Variants in OCM2 observed in about 807,000 individuals in gnomAD.
The protein encoded by OCM2 is oncomodulin 2.
OCM2 carries 6 observed loss-of-function variants against 13.6 expected under a neutral mutation model. That is an observed-to-expected ratio of 0.44 (90% CI 0.24 to 0.87). The LOEUF (loss-of-function observed/expected upper bound fraction) is 0.87. Ranked by LOEUF, OCM2 falls within the 40% of genes least tolerant of loss-of-function variation. The probability of loss-of-function intolerance (pLI) is 0.22; values close to 1 mark genes in which losing one functional copy is unlikely to be tolerated. For synonymous variants in OCM2, 40 were observed against 50.7 expected, an observed-to-expected ratio of 0.79 and a Z score of 0.90; for missense variants, 118 against 136.8, an observed-to-expected ratio of 0.86 and a Z score of 0.68.
At chr7:97,990,016 T>TGGGCCCCCC in intron 1 of OCM2, 28 bp downstream of exon 1, 3 of 1,083,838 alleles carry the variant, frequency 2.8e-6, no homozygotes, top group Non-Finnish European at 4.2e-6. Context: ...TGTGAGGAAA[T>TGGGCCCCCC]CCCACCCCCG....
Position 97,988,400 on chromosome 7 carries a change from TC to T in OCM2, c.194+15del, listed in dbSNP as rs1794693564. 2 of 1,613,868 alleles carry T rather than the reference TC, an allele frequency of 1.2e-6. No homozygotes were observed. The highest frequency in any genetic ancestry group is 2.7e-5 in the African/African-American group (2 of 74,882). On this transcript the variant is annotated intron_variant, in intron 2 of 3. Coordinates refer to ENST00000257627, the Ensembl canonical transcript of OCM2. ...CAGCAGTGCCAGGTACCAGACAGCC[TC>T]AGGACAAAGCTTACTTAAGCTCTTC...
chr7:97,988,787 C>T (rs1341891919), intron 1 of OCM2, among the ~76,000 whole-genome samples: 1 of 152,048 alleles, frequency 6.6e-6, no homozygotes, highest in Non-Finnish European at 1.5e-5. Flanking sequence ...CCTTTTCCCT[C>T]CTCCTCTCCT....
intron 1 of OCM2, 107 bp from the exon 2 acceptor site, chr7:97,988,655 G>A: frequency 2.1e-6 from 3 of 1,428,530 alleles, no homozygotes; most frequent in Middle Eastern, 3.6e-4. Context: ...CAATATCCCT[G>A]AGCTACGGGG....
chr7:97,989,812 C>A (rs1229648972), intron 1 of OCM2, among the ~76,000 whole-genome samples: 1 of 151,728 alleles, frequency 6.6e-6, no homozygotes, highest in African/African-American at 2.4e-5. Context: ...TGCCCACCAC[C>A]ACGCCTGGCT....
At chr7:97,986,205 G>C (rs759355860) in intron 3 of OCM2, among the ~76,000 whole-genome samples, 1 of 152,156 alleles carries the variant, frequency 6.6e-6, no homozygotes, top group South Asian at 2.1e-4. Context: ...GAGCCACCAC[G>C]CCCAGCCCGT....
At chr7:97,986,578 G>A (rs909400357) in intron 3 of OCM2, among the ~76,000 whole-genome samples, 29 of 152,070 alleles carry the variant, frequency 1.9e-4, no homozygotes, top group Non-Finnish European at 4.1e-4. Flanking sequence ...TCCCCTTGGC[G>A]GGCTAATGTC....
At chr7:97,988,338 C>A in intron 2 of OCM2, 78 bp downstream of exon 2, 1 of 1,569,906 alleles carries the variant, frequency 6.4e-7, no homozygotes, top group Non-Finnish European at 8.7e-7. Context: ...TGAAGAAATA[C>A]TGAGCAACCT....
chr7:97,989,927 G>C (rs1295347580), intron 1 of OCM2, 117 bp downstream of exon 1: 2 of 980,492 alleles, frequency 2.0e-6, no homozygotes, highest in East Asian at 2.6e-5. Context: ...CAAAGTGCTA[G>C]GATTACAGGC....
At chr7:97,987,828 G>C (rs541971746) in intron 2 of OCM2, among the ~76,000 whole-genome samples, 4 of 152,228 alleles carry the variant, frequency 2.6e-5, no homozygotes, top group African/African-American at 9.6e-5. Context: ...AATTACAGGC[G>C]TGAGCCACCG....
intron 3 of OCM2, among the ~76,000 whole-genome samples, chr7:97,985,322 G>A (rs1265375093): frequency 2.0e-5 from 3 of 151,764 alleles, no homozygotes; most frequent in South Asian, 4.2e-4. Flanking sequence ...GGGAGGCTGA[G>A]GCGGGAGAAT....
intron 3 of OCM2, 78 bp downstream of exon 3, chr7:97,986,969 G>A (rs1205542151): frequency 6.3e-7 from 1 of 1,597,632 alleles, no homozygotes; most frequent in Admixed American, 1.7e-5. Context: ...AGCCACATTG[G>A]TTTGATCTCA....
chr7:97,988,933 CTTTTTT>C (rs67400420), intron 1 of OCM2, among the ~76,000 whole-genome samples: 1 of 134,612 alleles, frequency 7.4e-6, no homozygotes, highest in Non-Finnish European at 1.6e-5. Flanking sequence ...TTCTTTCTTT[CTTTTTT>C]TTTTTTTTTT....
exon 4 of OCM2, chr7:97,984,744 G>A: frequency 1.8e-6 from 1 of 560,194 alleles, no homozygotes. Flanking sequence ...GGGGAAGGGG[G>A]GCTTACAGAA....
intron 3 of OCM2, among the ~76,000 whole-genome samples, chr7:97,986,204 C>A (rs530349212): frequency 6.6e-6 from 1 of 152,170 alleles, no homozygotes; most frequent in Non-Finnish European, 1.5e-5. Context: ...TGAGCCACCA[C>A]GCCCAGCCCG....
chr7:97,986,643 C>T (rs1794675067), intron 3 of OCM2, among the ~76,000 whole-genome samples: 1 of 152,164 alleles, frequency 6.6e-6, no homozygotes, highest in Non-Finnish European at 1.5e-5. Context: ...CCTACGCATG[C>T]CAATGGACCC....
At chr7:97,990,014 AATCC>A in intron 1 of OCM2, 26 bp downstream of exon 1, 19 of 1,385,012 alleles carry the variant, frequency 1.4e-5, no homozygotes, top group Non-Finnish European at 1.8e-5. Context: ...GCTGTGAGGA[AATCC>A]CACCCCCGCC....
intron 1 of OCM2, 53 bp from the exon 2 acceptor site, chr7:97,988,601 T>G (rs1161194241): frequency 6.2e-7 from 1 of 1,609,114 alleles, no homozygotes; most frequent in African/African-American, 1.3e-5. Context: ...CATTCTATGT[T>G]GGGGCCAAGG....
chr7:97,990,016 T>TGGCACCCC, intron 1 of OCM2, 28 bp downstream of exon 1: 43 of 1,083,808 alleles, frequency 4.0e-5, no homozygotes, highest in Non-Finnish European at 5.7e-5. Flanking sequence ...TGTGAGGAAA[T>TGGCACCCC]CCCACCCCCG....
chr7:97,989,009 C>T (rs1406388926), intron 1 of OCM2, among the ~76,000 whole-genome samples: 5 of 150,554 alleles, frequency 3.3e-5, no homozygotes, highest in Non-Finnish European at 7.4e-5. Context: ...CGGCTCACTG[C>T]AACCTCTGCC....
Sources: gnomAD v4.1 joint callset for allele counts (sites outside exome capture counted in the v4.1 genomes callset) on GRCh38, gnomAD v4.1.1 for gene constraint, MANE v1.5 for transcripts, NCBI Gene and HGNC (gene_info 2026-07-23, HGNC 2026-07-21) for gene names.